The following TEX11 variants were observed in gnomAD, a reference collection of about 807,000 sequenced individuals.
TEX11 encodes the protein testis-expressed protein 11.
A neutral mutation model predicts 84.4 loss-of-function variants in TEX11; 7 were observed. The observed-to-expected ratio is 0.08, with a 90% CI of 0.05 to 0.16. The LOEUF is 0.16. Ranked by LOEUF, TEX11 falls within the 10% of genes least tolerant of loss-of-function variation. The pLI is 1.00. For synonymous variants in TEX11, 264 were observed against 222.8 expected (o/e 1.18, Z -1.64); for missense variants, 551 against 660.5 (o/e 0.83, Z 1.82).
chrX:70,682,496 C>T (rs1186389277), intron 14 of TEX11, among the ~76,000 whole-genome samples, 178 bp downstream of exon 14: 1 of 111,511 alleles, frequency 9.0e-6, no homozygotes, highest in Non-Finnish European at 1.9e-5. Context: ...TCTCATTCCA[C>T]TTGCCCAATT....
intron 9 of TEX11, among the ~76,000 whole-genome samples, chrX:70,800,514 A>T (rs1014552217): frequency 9.0e-6 from 1 of 111,439 alleles, no homozygotes; most frequent in Non-Finnish European, 1.9e-5. Flanking sequence ...AGATAAAAGC[A>T]TCTATGTTTG....
intron 25 of TEX11, among the ~76,000 whole-genome samples, chrX:70,572,214 A>G (rs1456814036): frequency 9.0e-6 from 1 of 111,330 alleles, no homozygotes; most frequent in African/African-American, 3.3e-5. Flanking sequence ...ACTTCTCAAA[A>G]GAAGACATTT....
chrX:70,638,078 A>G (rs1383300123), intron 17 of TEX11, among the ~76,000 whole-genome samples: 1 of 111,753 alleles, frequency 8.9e-6, no homozygotes, highest in African/African-American at 3.3e-5. Context: ...ACACATTTCA[A>G]TCAATAGCAA....
chrX:70,806,816 A>G (rs1348687272), intron 8 of TEX11, 26 bp from the exon 9 acceptor site: 2 of 1,068,609 alleles, frequency 1.9e-6, no homozygotes, highest in South Asian at 2.0e-5. Flanking sequence ...AATGCATTAG[A>G]TTCATGATTT....
Position 70,730,304 on chromosome X carries a change from A to G in TEX11, c.844-4961T>C, listed in dbSNP as rs768950451. 5.4e-5 allele frequency among the ~76,000 whole-genome samples: 6 copies of G among 112,051 alleles called. No homozygotes were observed. In the South Asian group the frequency reaches 1.9e-3, roughly 35 times the overall value. On this transcript the variant is annotated intron_variant, in intron 11 of 29. Coordinates refer to ENST00000374333, the MANE Select transcript of TEX11 (RefSeq NM_031276.3). ...CAGGATCAAATTCACGCATAACAAC[A>G]TTAACCTTACATGTTAATGCGCTAA...
chrX:70,634,890 C>G (rs754011494), intron 17 of TEX11, among the ~76,000 whole-genome samples: 1 of 111,940 alleles, frequency 8.9e-6, no homozygotes, highest in South Asian at 3.8e-4. Context: ...AAAGCACAAT[C>G]CATAAAAGAA....
chrX:70,629,535 C>A (rs2089485070), intron 18 of TEX11, 76 bp downstream of exon 18: 4 of 1,103,306 alleles, frequency 3.6e-6, no homozygotes, highest in South Asian at 1.9e-5. Context: ...CTGTGTCTAA[C>A]TGATAATGAT....
At chrX:70,664,552 T>C in intron 16 of TEX11, among the ~76,000 whole-genome samples, 2 of 111,739 alleles carry the variant, frequency 1.8e-5, no homozygotes, top group South Asian at 7.4e-4. Context: ...TACCACACAA[T>C]GATGTGTGAT....
chrX:70,626,289 A>G (rs1429924240), intron 18 of TEX11, among the ~76,000 whole-genome samples: 3 of 110,812 alleles, frequency 2.7e-5, no homozygotes, highest in African/African-American at 9.9e-5. Flanking sequence ...AGTGTTGTAC[A>G]AGTACCAAGC....
At chrX:70,811,648 TAA>T (rs997678768) in intron 8 of TEX11, among the ~76,000 whole-genome samples, 1 of 110,904 alleles carries the variant, frequency 9.0e-6, no homozygotes, top group Non-Finnish European at 1.9e-5. Flanking sequence ...ACCAACAGTG[TAA>T]AAGTGTTCCT....
chrX:70,671,840 A>G (rs2090024337), intron 15 of TEX11, among the ~76,000 whole-genome samples: 1 of 102,547 alleles, frequency 9.8e-6, no homozygotes, highest in Admixed American at 1.1e-4. Context: ...TACAATTGAC[A>G]TATGAAACAC....
chrX:70,512,306 C>A, the TEX11 span, among the ~76,000 whole-genome samples: 1 of 108,130 alleles, frequency 9.2e-6, no homozygotes. Flanking sequence ...GCAAACTCCA[C>A]CTCCTGAGTT....
At chrX:70,728,635 G>T (rs767970674) in intron 11 of TEX11, among the ~76,000 whole-genome samples, 4 of 110,799 alleles carry the variant, frequency 3.6e-5, no homozygotes, top group Non-Finnish European at 7.6e-5. Flanking sequence ...CACCATTGCC[G>T]AGGCCTGAGT....
intron 17 of TEX11, among the ~76,000 whole-genome samples, chrX:70,651,120 C>T (rs2089805456): frequency 8.9e-6 from 1 of 111,785 alleles, no homozygotes; most frequent in Admixed American, 9.5e-5. Context: ...TTAGTATAAT[C>T]TCACCCACAC....
At chrX:70,672,273 C>T (rs1333429252) in intron 15 of TEX11, among the ~76,000 whole-genome samples, 1 of 111,085 alleles carries the variant, frequency 9.0e-6, no homozygotes, top group African/African-American at 3.3e-5. Flanking sequence ...GGACATTTGG[C>T]TGTTTCCAGT....
At chrX:70,817,914 G>A (rs2091297896) in intron 8 of TEX11, among the ~76,000 whole-genome samples, 1 of 111,667 alleles carries the variant, frequency 9.0e-6, no homozygotes, top group Admixed American at 9.5e-5. Flanking sequence ...ACACATAGAA[G>A]TCAAGTAACA....
At chrX:70,750,935 T>A (rs373825377) in intron 9 of TEX11, among the ~76,000 whole-genome samples, 1,332 of 28,729 alleles carry the variant, frequency 0.046, 29 homozygotes, top group African/African-American at 0.1. Context: ...AAAAAAAAAA[T>A]ATATATATAT....
intron 14 of TEX11, among the ~76,000 whole-genome samples, chrX:70,679,511 C>A (rs1245115750): frequency 5.6e-5 from 6 of 107,192 alleles, no homozygotes; most frequent in Non-Finnish European, 9.8e-5. Context: ...TCTTCCCGGC[C>A]GCCATCCCAT....
intron 16 of TEX11, among the ~76,000 whole-genome samples, chrX:70,667,324 A>G: frequency 8.9e-6 from 1 of 111,888 alleles, no homozygotes; most frequent in Admixed American, 9.5e-5. Context: ...CCCCTATAAT[A>G]TAACATAATA....
Sources: gnomAD v4.1 joint callset for allele counts (sites outside exome capture counted in the v4.1 genomes callset) on GRCh38, gnomAD v4.1.1 for gene constraint, MANE v1.5 for transcripts, NCBI Gene and HGNC (gene_info 2026-07-23, HGNC 2026-07-21) for gene names.